FAM83B: variants seen among roughly 807,000 people sequenced by gnomAD.
The protein encoded by FAM83B is protein FAM83B.
A neutral mutation model predicts 38.8 loss-of-function variants in FAM83B; 26 were observed. That is an observed-to-expected ratio of 0.67 (90% CI 0.49 to 0.93). FAM83B has a LOEUF of 0.93. Ranked by LOEUF, FAM83B falls within the 40% of genes least tolerant of loss-of-function variation. The pLI, the probability that FAM83B is intolerant of heterozygous loss-of-function variation, is 0.00. For synonymous variants in FAM83B, 419 were observed against 423.1 expected, an observed-to-expected ratio of 0.99 and a Z score of 0.12; for missense variants, 1,237 against 1,197.3, an observed-to-expected ratio of 1.03 and a Z score of -0.49.
rs762646384 is a variant in FAM83B, at chr6:54,940,722, C to T, written c.1751C>T (p.Pro584Leu). The change falls in exon 5 of 5, where the codon CCT becomes CTT. Residue 584 changes from proline (P) to leucine (L), a missense_variant. Coordinates refer to ENST00000306858, the MANE Select transcript of FAM83B (RefSeq NM_001010872.3). ...SETPKEVPDT[P>L]TNVQHLTDKP... ...ACACCTAAAGAGGTCCCAGACACCCCTACGAATGTACAGCATTTGACAGAC... is the reference window on the plus strand; with the variant it reads ...ACACCTAAAGAGGTCCCAGACACCCTTACGAATGTACAGCATTTGACAGAC... 6.2e-7 allele frequency: 1 copy of T among 1,614,014 alleles called. No homozygotes were observed. The highest frequency in any genetic ancestry group is 1.7e-5 in the Admixed American group (1 of 59,972).
intron 2 of FAM83B, among the ~76,000 whole-genome samples, chr6:54,914,537 C>T (rs1347109915): frequency 2.0e-5 from 3 of 152,042 alleles, no homozygotes; most frequent in Non-Finnish European, 4.4e-5. Context: ...CTCTATTAAC[C>T]TGAGGAACCC....
intron 1 of FAM83B, among the ~76,000 whole-genome samples, chr6:54,857,603 T>C (rs1441531066): frequency 6.6e-6 from 1 of 152,156 alleles, no homozygotes; most frequent in Non-Finnish European, 1.5e-5. Flanking sequence ...TGTAAGAGAA[T>C]AGGTCTTATC....
chr6:54,898,930 A>G (rs935923350), intron 2 of FAM83B, among the ~76,000 whole-genome samples: 6 of 152,012 alleles, frequency 3.9e-5, no homozygotes, highest in African/African-American at 1.4e-4. Context: ...CTTTTCTATT[A>G]AGCATTTCCT....
chr6:54,877,612 T>C (rs1772031440), intron 2 of FAM83B, among the ~76,000 whole-genome samples: 1 of 152,270 alleles, frequency 6.6e-6, no homozygotes, highest in African/African-American at 2.4e-5. Context: ...ATTTATATTA[T>C]GCAATTTAGT....
chr6:54,864,704 G>A (rs1771660854), intron 1 of FAM83B, among the ~76,000 whole-genome samples: 3 of 152,056 alleles, frequency 2.0e-5, no homozygotes, highest in Non-Finnish European at 4.4e-5. Flanking sequence ...AATCAAATGA[G>A]AAGACAAACA....
intron 2 of FAM83B, among the ~76,000 whole-genome samples, chr6:54,897,794 A>T (rs1361285526): frequency 6.6e-6 from 1 of 152,228 alleles, no homozygotes; most frequent in Admixed American, 6.5e-5. Context: ...TAGGGATTAG[A>T]TAAGCATAAA....
chr6:54,868,364 G>A (rs947123308), intron 1 of FAM83B, among the ~76,000 whole-genome samples: 1 of 152,106 alleles, frequency 6.6e-6, no homozygotes, highest in Non-Finnish European at 1.5e-5. Flanking sequence ...TCCAGATGTT[G>A]TCAGATGAGG....
upstream of FAM83B, among the ~76,000 whole-genome samples, chr6:54,846,435 T>A (rs533611649): frequency 3.3e-5 from 5 of 152,310 alleles, no homozygotes; most frequent in African/African-American, 1.2e-4. Flanking sequence ...GGATCGCTCC[T>A]CGCCCCAGAC....
intron 2 of FAM83B, among the ~76,000 whole-genome samples, chr6:54,922,079 C>T (rs918588569): frequency 8.5e-5 from 13 of 152,066 alleles, no homozygotes; most frequent in Non-Finnish European, 1.6e-4. Context: ...GCTGATCCAG[C>T]GTATTATTTT....
At chr6:54,930,285 GCTA>G (rs1773391926) in intron 4 of FAM83B, among the ~76,000 whole-genome samples, 1 of 151,988 alleles carries the variant, frequency 6.6e-6, no homozygotes, top group East Asian at 1.9e-4. Flanking sequence ...TTTATCTATT[GCTA>G]CTTCTTTCTC....
chr6:54,916,379 A>AT (rs139447036), intron 2 of FAM83B, among the ~76,000 whole-genome samples: 6 of 151,520 alleles, frequency 4.0e-5, no homozygotes, highest in Non-Finnish European at 7.4e-5. Flanking sequence ...CTCAGGGAGA[A>AT]TTTTTTTTTC....
rs756977112 is a variant in FAM83B, at chr6:54,870,234, A to G, written c.-13A>G. ...TGGACATTTGAAAGTGCCATAGCCAAACACTTGCAAGCATGGAGACCTCAT... is the reference window on the plus strand; with the variant it reads ...TGGACATTTGAAAGTGCCATAGCCAGACACTTGCAAGCATGGAGACCTCAT... On this transcript the variant is annotated 5_prime_UTR_variant, in exon 2 of 5. Transcript: ENST00000306858. The G allele has an allele frequency of 6.2e-7, 1 of 1,602,792 alleles. No individual in the cohort carries two copies. The highest frequency in any genetic ancestry group is 1.1e-5 in the South Asian group (1 of 90,666).
intron 2 of FAM83B, among the ~76,000 whole-genome samples, chr6:54,913,289 GT>G (rs1286439629): frequency 1.6e-4 from 24 of 152,118 alleles, no homozygotes; most frequent in Non-Finnish European, 3.2e-4. Flanking sequence ...TGGACTATCA[GT>G]TTCTATTCTT....
At chr6:54,887,746 TA>T (rs1296915267) in intron 2 of FAM83B, among the ~76,000 whole-genome samples, 2 of 151,874 alleles carry the variant, frequency 1.3e-5, no homozygotes, top group Non-Finnish European at 2.9e-5. Context: ...ATTAGTATTT[TA>T]TATGTGTGTA....
chr6:54,907,812 T>G (rs1772807519), intron 2 of FAM83B, among the ~76,000 whole-genome samples: 1 of 152,144 alleles, frequency 6.6e-6, no homozygotes, highest in South Asian at 2.1e-4. Context: ...GAATCTTGAT[T>G]TCTAAAGCTA....
At chr6:54,883,902 G>T (rs147858005) in intron 2 of FAM83B, among the ~76,000 whole-genome samples, 3 of 151,840 alleles carry the variant, frequency 2.0e-5, no homozygotes, top group African/African-American at 4.8e-5. Flanking sequence ...GAGTGCAGTG[G>T]CTCATGCCTG....
intron 4 of FAM83B, among the ~76,000 whole-genome samples, chr6:54,936,434 CT>C (rs1485463977): frequency 1.3e-5 from 2 of 152,068 alleles, no homozygotes; most frequent in Non-Finnish European, 2.9e-5. Flanking sequence ...TGGTTGGGCT[CT>C]TACTTTTAAG....
intron 2 of FAM83B, among the ~76,000 whole-genome samples, chr6:54,895,380 G>A (rs1323910229): frequency 6.6e-6 from 1 of 152,204 alleles, no homozygotes. Context: ...TTATACCTCC[G>A]TGGGACTTGT....
At chr6:54,876,480 A>C (rs998805263) in intron 2 of FAM83B, among the ~76,000 whole-genome samples, 1 of 150,462 alleles carries the variant, frequency 6.6e-6, no homozygotes, top group African/African-American at 2.4e-5. Flanking sequence ...ACCCATCACC[A>C]CGCCCGGCTC....
Sources: gnomAD v4.1 joint callset for allele counts (sites outside exome capture counted in the v4.1 genomes callset) on GRCh38, gnomAD v4.1.1 for gene constraint, MANE v1.5 for transcripts, NCBI Gene and HGNC (gene_info 2026-07-23, HGNC 2026-07-21) for gene names.